Variants in F13A1 observed in about 807,000 individuals in gnomAD.
F13A1 encodes FSF, A subunit.
A neutral mutation model predicts 80.1 loss-of-function variants in F13A1; 47 were observed. That is an observed-to-expected ratio of 0.59 (90% CI 0.46 to 0.75). The LOEUF (loss-of-function observed/expected upper bound fraction) is 0.75, where lower values mean the gene tolerates loss of function less well. Among genes scored for constraint, F13A1 ranks in the 30% least tolerant of loss-of-function variants. F13A1 has a pLI of 0.00. For missense variants in F13A1, 817 were observed against 930.4 expected (o/e 0.88, Z 1.59); for synonymous variants, 349 against 344.9 (o/e 1.01, Z -0.13).
At chr6:6,222,890 A>G (rs532342180) in intron 7 of F13A1, among the ~76,000 whole-genome samples, 39 of 152,298 alleles carry the variant, frequency 2.6e-4, no homozygotes, top group African/African-American at 7.9e-4. Flanking sequence ...TCCAAACTGG[A>G]GTCTGGTAGA....
chr6:6,241,539 G>C (rs940080532), intron 6 of F13A1, among the ~76,000 whole-genome samples: 5 of 152,124 alleles, frequency 3.3e-5, no homozygotes, highest in African/African-American at 1.2e-4. Flanking sequence ...AATCCATATG[G>C]GTAAATGTGA....
intron 8 of F13A1, among the ~76,000 whole-genome samples, chr6:6,219,782 G>C (rs1757164726): frequency 6.6e-6 from 1 of 152,138 alleles, no homozygotes; most frequent in South Asian, 2.1e-4. Context: ...ATACCCCAAA[G>C]TAACAGAAAT....
intron 3 of F13A1, among the ~76,000 whole-genome samples, chr6:6,282,903 C>G (rs1758085648): frequency 6.6e-6 from 1 of 152,174 alleles, no homozygotes. Context: ...CCTGACTCCC[C>G]CACTACCTAA....
chr6:6,232,959 T>C (rs1757371697), intron 6 of F13A1, among the ~76,000 whole-genome samples: 2 of 152,010 alleles, frequency 1.3e-5, no homozygotes, highest in African/African-American at 4.8e-5. Flanking sequence ...AAGGCAGTGC[T>C]AGGAGGAAAG....
chr6:6,216,508 G>C (rs1430423249), intron 8 of F13A1, among the ~76,000 whole-genome samples: 7 of 147,866 alleles, frequency 4.7e-5, no homozygotes, highest in African/African-American at 1.0e-4. Flanking sequence ...CTTCCTTACA[G>C]CTTATACAAA....
chr6:6,176,954 G>A (rs549284895), intron 11 of F13A1, among the ~76,000 whole-genome samples: 33 of 152,178 alleles, frequency 2.2e-4, no homozygotes, highest in Non-Finnish European at 3.4e-4. Flanking sequence ...CTCTGTGAGC[G>A]GAGACCGCCA....
At chr6:6,296,114 T>C (rs1222455430) in intron 3 of F13A1, among the ~76,000 whole-genome samples, 1 of 150,812 alleles carries the variant, frequency 6.6e-6, no homozygotes, top group Non-Finnish European at 1.5e-5. Flanking sequence ...TATCTCTGTT[T>C]TGGTACCAGT....
At chr6:6,181,854 A>G in intron 11 of F13A1, 134 bp downstream of exon 11, 2 of 964,672 alleles carry the variant, frequency 2.1e-6, no homozygotes, top group Non-Finnish European at 3.2e-6. Flanking sequence ...TCACACGTGA[A>G]AGTTTATACT....
At chr6:6,156,891 T>C (rs1760488495) in intron 13 of F13A1, among the ~76,000 whole-genome samples, 1 of 152,162 alleles carries the variant, frequency 6.6e-6, no homozygotes, top group Non-Finnish European at 1.5e-5. Flanking sequence ...ATGGAGCAGA[T>C]TTAAAATGTT....
intron 6 of F13A1, among the ~76,000 whole-genome samples, chr6:6,225,633 G>A (rs925372747): frequency 1.3e-5 from 2 of 151,920 alleles, no homozygotes; most frequent in Non-Finnish European, 2.9e-5. Flanking sequence ...TCAGGCTCCC[G>A]AGTAGCTAGG....
chr6:6,239,246 CCA>C (rs999751858), intron 6 of F13A1, among the ~76,000 whole-genome samples: 2 of 152,008 alleles, frequency 1.3e-5, no homozygotes, highest in Admixed American at 6.6e-5. Flanking sequence ...CTGTGTGAAT[CCA>C]TTTATGTAAA....
At chr6:6,197,656 G>T (rs530445413) in intron 8 of F13A1, among the ~76,000 whole-genome samples, 1 of 148,434 alleles carries the variant, frequency 6.7e-6, no homozygotes, top group Non-Finnish European at 1.5e-5. Flanking sequence ...TCAGCCTGGT[G>T]ACAGAGGGAG....
chr6:6,266,855 C>T lies in F13A1; in HGVS notation c.320-46G>A, dbSNP rs778803764. The T allele has an allele frequency of 2.4e-5, 38 of 1,613,560 alleles. No individual in the cohort carries two copies. In the African/African-American group the frequency reaches 4.3e-4, roughly 18 times the overall value. ...TACTCTGTTAGGTTGATTTCACAAG[C>T]CATTTTTGTTCTCACTCTGTTATCT... On this transcript the variant is annotated intron_variant, in intron 3 of 14. Transcript: ENST00000264870.
At chr6:6,272,874 T>C (rs925537059) in intron 3 of F13A1, among the ~76,000 whole-genome samples, 4 of 152,204 alleles carry the variant, frequency 2.6e-5, no homozygotes, top group East Asian at 1.9e-4. Flanking sequence ...TTTAAATCAA[T>C]AGAATAATAA....
In F13A1 at chr6:6,305,156, G is replaced by A; in HGVS notation, c.319+195C>T. 4 of 660,424 alleles carry A rather than the reference G, an allele frequency of 6.1e-6. No individual in the cohort carries two copies. The Admixed American group carries it at 7.2e-5, about 12-fold the overall frequency. The allele number at this position is 660,424 out of a possible 1,614,324, so 40.9% of individuals were successfully genotyped here. A position where few individuals can be genotyped will look rare whatever the true frequency, so the allele number is the denominator to read the frequency against. ...TATTTATATGAGATTTTCTCCTTGGGTGGGCCCAAGTTATCAATATTTGGC... is the reference window on the plus strand; with the variant it reads ...TATTTATATGAGATTTTCTCCTTGGATGGGCCCAAGTTATCAATATTTGGC... On this transcript the variant is annotated intron_variant, in intron 3 of 14. Coordinates refer to ENST00000264870, the MANE Select transcript of F13A1 (RefSeq NM_000129.4).
At chr6:6,184,119 A>G (rs373695) in intron 10 of F13A1, among the ~76,000 whole-genome samples, 10,104 of 152,312 alleles carry the variant, frequency 0.066, 471 homozygotes, top group Admixed American at 0.098. Context: ...CATACCTACA[A>G]TGTTTCAGGG....
chr6:6,171,771 C>A (rs1760779584), intron 12 of F13A1, among the ~76,000 whole-genome samples: 1 of 152,260 alleles, frequency 6.6e-6, no homozygotes, highest in East Asian at 1.9e-4. Flanking sequence ...CTGCACCCAG[C>A]ACTGCCCCCT....
intron 12 of F13A1, among the ~76,000 whole-genome samples, chr6:6,171,571 A>T (rs1760774957): frequency 6.6e-6 from 1 of 152,146 alleles, no homozygotes; most frequent in Non-Finnish European, 1.5e-5. Flanking sequence ...GTGATTGCAG[A>T]AGCATCCTAC....
intron 2 of F13A1, among the ~76,000 whole-genome samples, chr6:6,316,109 A>AGTTTT (rs1758679762): frequency 4.0e-5 from 2 of 49,684 alleles, no homozygotes; most frequent in African/African-American, 2.0e-4. Flanking sequence ...ATATATATAT[A>AGTTTT]TATATATATA....
Sources: gnomAD v4.1 joint callset for allele counts (sites outside exome capture counted in the v4.1 genomes callset) on GRCh38, gnomAD v4.1.1 for gene constraint, MANE v1.5 for transcripts, NCBI Gene and HGNC (gene_info 2026-07-23, HGNC 2026-07-21) for gene names.